SAMD13: variants seen among roughly 807,000 people sequenced by gnomAD.
The protein encoded by SAMD13 is sterile alpha motif domain containing 13.
Under a neutral mutation model 12.4 loss-of-function variants are expected in SAMD13, and 9 were observed. That is an observed-to-expected ratio of 0.72 (90% confidence interval 0.44 to 1.26). SAMD13 has a LOEUF of 1.26. Ranked by LOEUF, SAMD13 falls within the 50% of genes most tolerant of loss-of-function variation. The probability of loss-of-function intolerance (pLI) is 0.00; values close to 1 mark genes in which losing one functional copy is unlikely to be tolerated. For synonymous variants in SAMD13, 46 were observed against 45.4 expected (o/e 1.01, Z -0.05); for missense variants, 84 against 119.6 (o/e 0.70, Z 1.39).
intron 3 of SAMD13, among the ~76,000 whole-genome samples, chr1:84,329,704 T>C (rs1004271689): frequency 4.6e-5 from 7 of 152,230 alleles, no homozygotes; most frequent in South Asian, 2.1e-4. Context: ...CAAATTCTCT[T>C]CTGGCAATCC....
intron 3 of SAMD13, among the ~76,000 whole-genome samples, chr1:84,346,803 A>T (rs1679544725): frequency 6.6e-6 from 1 of 152,174 alleles, no homozygotes; most frequent in South Asian, 2.1e-4. Flanking sequence ...TATGAAACGA[A>T]TGTTTTATGT....
chr1:84,305,428 TTTTC>T (rs2101786886), intron 2 of SAMD13, among the ~76,000 whole-genome samples: 1 of 152,250 alleles, frequency 6.6e-6, no homozygotes, highest in South Asian at 2.1e-4. Context: ...TTTGAAAATA[TTTTC>T]TTTAAGTGTG....
chr1:84,328,203 T>G (rs1679099758), intron 3 of SAMD13, among the ~76,000 whole-genome samples: 1 of 152,154 alleles, frequency 6.6e-6, no homozygotes, highest in Admixed American at 6.6e-5. Flanking sequence ...GACTGCCAGC[T>G]CTGAGCCTGG....
intron 3 of SAMD13, among the ~76,000 whole-genome samples, chr1:84,341,532 G>A (rs315531): frequency 0.81 from 123,773 of 152,010 alleles, 51,710 homozygotes; most frequent in Non-Finnish European, 0.92. Flanking sequence ...AGAGAAGCTG[G>A]ATTGCTGGAC....
chr1:84,340,355 A>G (rs1187702374), intron 3 of SAMD13, among the ~76,000 whole-genome samples: 5 of 152,264 alleles, frequency 3.3e-5, no homozygotes, highest in African/African-American at 4.8e-5. Context: ...TACATGAAAT[A>G]TCTAAAATAG....
chr1:84,309,677 A>G (rs1253138299), intron 2 of SAMD13, among the ~76,000 whole-genome samples: 1 of 152,152 alleles, frequency 6.6e-6, no homozygotes, highest in Non-Finnish European at 1.5e-5. Context: ...TTAATTTTAT[A>G]TTCAGAGTCT....
At chr1:84,316,773 G>A (rs1219705687) in intron 2 of SAMD13, among the ~76,000 whole-genome samples, 4 of 151,928 alleles carry the variant, frequency 2.6e-5, no homozygotes. Context: ...TTTTGATGGG[G>A]ATTGCATTGA....
At chr1:84,333,327 A>G (rs1424061204) in intron 3 of SAMD13, among the ~76,000 whole-genome samples, 1 of 151,994 alleles carries the variant, frequency 6.6e-6, no homozygotes, top group Non-Finnish European at 1.5e-5. Context: ...GATATCGATT[A>G]TTTTTATCCA....
At position 84,303,298 on chromosome 1, in the gene SAMD13, C is replaced by T; in HGVS notation, c.53+11C>T. ...TGTCGGTGTAAAAAAGTAAGTGAAG[C>T]TGGCTTCTGAGTTCTGCTTCTGCAA... On this transcript the variant is annotated intron_variant, in intron 2 of 3. Coordinates refer to ENST00000394834, the MANE Select transcript of SAMD13 (RefSeq NM_001134663.2). 6.2e-7 allele frequency: 1 copy of T among 1,607,512 alleles called. No individual in the cohort carries two copies. Among genetic ancestry groups the T allele is most frequent in the Non-Finnish European group, 8.5e-7 (1 of 1,174,462 alleles).
intron 2 of SAMD13, among the ~76,000 whole-genome samples, chr1:84,311,346 AAAAAGAAAAG>A (rs1204286594): frequency 3.6e-5 from 5 of 139,820 alleles, no homozygotes; most frequent in East Asian, 2.0e-4. Flanking sequence ...AAAAAAAAAA[AAAAAGAAAAG>A]AAAAGAAAAG....
intron 3 of SAMD13, among the ~76,000 whole-genome samples, chr1:84,333,226 T>G (rs1055237879): frequency 1.3e-5 from 2 of 152,182 alleles, no homozygotes; most frequent in Admixed American, 1.3e-4. Context: ...GTTAGAATAG[T>G]TTTCTCCAGT....
At chr1:84,302,490 G>T (rs998828736) in intron 1 of SAMD13, among the ~76,000 whole-genome samples, 1 of 150,834 alleles carries the variant, frequency 6.6e-6, no homozygotes, top group Non-Finnish European at 1.5e-5. Flanking sequence ...CTCCTTAAAT[G>T]TTTTGATGAT....
chr1:84,322,386 A>G (rs1274916327), intron 2 of SAMD13, among the ~76,000 whole-genome samples: 1 of 152,112 alleles, frequency 6.6e-6, no homozygotes, highest in East Asian at 1.9e-4. Flanking sequence ...GTGTTTCTTA[A>G]CCTTTCTGAG....
intron 2 of SAMD13, among the ~76,000 whole-genome samples, chr1:84,319,479 A>C: frequency 6.6e-6 from 1 of 152,066 alleles, no homozygotes; most frequent in African/African-American, 2.4e-5. Context: ...AAAAATACAA[A>C]AAATTAGTCA....
At position 84,349,781 on chromosome 1, in the gene SAMD13, C is replaced by A; in HGVS notation, c.*7C>A. 6.3e-7 allele frequency: 1 copy of A among 1,595,616 alleles called. No individual in the cohort carries two copies. The highest frequency in any genetic ancestry group is 1.1e-5 in the South Asian group (1 of 88,192). On this transcript the variant is annotated 3_prime_UTR_variant, in exon 4 of 4. Transcript: ENST00000394834. ...AAAGAACAACTCTTCATAGTACAGT[C>A]AAATTGGGGTCTTCGACCTCAAAAA...
intron 2 of SAMD13, 80 bp downstream of exon 2, chr1:84,303,367 C>A: frequency 1.7e-6 from 2 of 1,163,622 alleles, no homozygotes; most frequent in Non-Finnish European, 2.5e-6. Context: ...TCTTGCTTAT[C>A]TACTACAATA....
chr1:84,344,437 A>G (rs1570264544), intron 3 of SAMD13, among the ~76,000 whole-genome samples: 1 of 152,272 alleles, frequency 6.6e-6, no homozygotes, highest in Middle Eastern at 3.4e-3. Context: ...TGTTGAGCTC[A>G]TAGTCACTCC....
At chr1:84,321,896 C>T (rs1304655399) in intron 2 of SAMD13, among the ~76,000 whole-genome samples, 1 of 152,146 alleles carries the variant, frequency 6.6e-6, no homozygotes, top group African/African-American at 2.4e-5. Context: ...TGGAAGAGCC[C>T]AGTGAAATCA....
At chr1:84,335,160 T>C (rs1679266691) in intron 3 of SAMD13, among the ~76,000 whole-genome samples, 1 of 152,114 alleles carries the variant, frequency 6.6e-6, no homozygotes, top group South Asian at 2.1e-4. Context: ...TCTCCCACTA[T>C]TATTTTGTAG....
Sources: gnomAD v4.1 joint callset for allele counts (sites outside exome capture counted in the v4.1 genomes callset) on GRCh38, gnomAD v4.1.1 for gene constraint, MANE v1.5 for transcripts, NCBI Gene and HGNC (gene_info 2026-07-23, HGNC 2026-07-21) for gene names.